SV2C: variants seen among roughly 807,000 people sequenced by gnomAD.
The protein encoded by SV2C is synaptic vesicle glycoprotein 2C.
A neutral mutation model predicts 79.7 loss-of-function variants in SV2C; 49 were observed. That is an observed-to-expected ratio of 0.61 (90% CI 0.49 to 0.78). The LOEUF (loss-of-function observed/expected upper bound fraction) is 0.78, where lower values mean the gene tolerates loss of function less well. Among genes scored for constraint, SV2C ranks in the 30% least tolerant of loss-of-function variants. The pLI, the probability that SV2C is intolerant of heterozygous loss-of-function variation, is 0.00. For missense variants in SV2C, 833 were observed against 912.9 expected (o/e 0.91, Z 1.13); for synonymous variants, 334 against 333.2 (o/e 1.00, Z -0.03).
the SV2C span, among the ~76,000 whole-genome samples, chr5:75,860,634 C>A: frequency 6.6e-6 from 1 of 152,152 alleles, no homozygotes; most frequent in African/African-American, 2.4e-5. Context: ...ATAACCAAAG[C>A]AATCCTAAGC....
the SV2C span, among the ~76,000 whole-genome samples, chr5:76,053,781 C>G: frequency 6.6e-6 from 1 of 152,112 alleles, no homozygotes; most frequent in Admixed American, 6.5e-5. Context: ...TCTGGGTTCA[C>G]ACAGCTTTGT....
the SV2C span, among the ~76,000 whole-genome samples, chr5:75,875,414 A>C: frequency 0.012 from 1,777 of 152,188 alleles, 30 homozygotes; most frequent in African/African-American, 0.04. Flanking sequence ...TTCTTACACT[A>C]TACACAAAAA....
the SV2C span, among the ~76,000 whole-genome samples, chr5:75,901,201 C>T: frequency 6.6e-6 from 1 of 152,116 alleles, no homozygotes; most frequent in East Asian, 1.9e-4. Context: ...CTGTTTTTTC[C>T]CCATCTTTGT....
At chr5:76,210,789 G>A (rs1026023551) in intron 4 of SV2C, among the ~76,000 whole-genome samples, 11 of 152,130 alleles carry the variant, frequency 7.2e-5, no homozygotes, top group South Asian at 2.1e-4. Context: ...CAGTTGTCTC[G>A]TTAGAATAAA....
intron 2 of SV2C, among the ~76,000 whole-genome samples, chr5:76,178,861 T>G (rs1339913340): frequency 6.6e-6 from 1 of 152,202 alleles, no homozygotes; most frequent in East Asian, 1.9e-4. Context: ...TGGTCATAAT[T>G]TCATTTTTGA....
At chr5:76,019,646 T>C in the SV2C span, among the ~76,000 whole-genome samples, 2 of 152,142 alleles carry the variant, frequency 1.3e-5, no homozygotes, top group African/African-American at 2.4e-5. Flanking sequence ...ATTGGGCTAA[T>C]TGGTGAAAAA....
chr5:76,325,342 T>C (rs1309428589), intron 12 of SV2C, 22 bp from the exon 13 acceptor site: 2 of 1,612,828 alleles, frequency 1.2e-6, no homozygotes, highest in Non-Finnish European at 1.7e-6. Context: ...CTCAACCTTG[T>C]TCATGTCTCT....
chr5:76,351,316 C>T (rs576352116), intron 12 of SV2C, among the ~76,000 whole-genome samples: 267 of 152,186 alleles, frequency 1.8e-3, no homozygotes, highest in African/African-American at 5.9e-3. Flanking sequence ...GGCACGGTGA[C>T]GTGCACCTGT....
At chr5:75,934,298 C>CTTTT in the SV2C span, among the ~76,000 whole-genome samples, 39 of 87,534 alleles carry the variant, frequency 4.5e-4, no homozygotes, top group African/African-American at 2.5e-3. Flanking sequence ...TTTTTTCTTT[C>CTTTT]TTTCTTTTTT....
chr5:75,939,354 A>G, the SV2C span, among the ~76,000 whole-genome samples: 2 of 152,008 alleles, frequency 1.3e-5, no homozygotes, highest in East Asian at 1.9e-4. Flanking sequence ...ATGTCCTCCC[A>G]TGGCAGACAG....
chr5:76,022,378 T>C, the SV2C span, among the ~76,000 whole-genome samples: 7 of 152,364 alleles, frequency 4.6e-5, no homozygotes, highest in African/African-American at 1.7e-4. Flanking sequence ...TTCCCCAGAC[T>C]GCCTCATGCA....
At chr5:75,966,211 C>A in the SV2C span, among the ~76,000 whole-genome samples, 3 of 152,128 alleles carry the variant, frequency 2.0e-5, no homozygotes, top group African/African-American at 7.2e-5. Flanking sequence ...TAAGTTCTTT[C>A]TAAGTTAGTT....
chr5:75,957,944 C>T, the SV2C span, among the ~76,000 whole-genome samples: 1 of 151,966 alleles, frequency 6.6e-6, no homozygotes, highest in East Asian at 1.9e-4. Flanking sequence ...CTTGGGAATA[C>T]TGTTCCATCC....
intron 4 of SV2C, among the ~76,000 whole-genome samples, chr5:76,253,351 G>A (rs1746169287): frequency 6.6e-6 from 1 of 152,058 alleles, no homozygotes; most frequent in Admixed American, 6.6e-5. Flanking sequence ...GAGTGCAGTG[G>A]CATGATCTTG....
rs138535060 is a variant in SV2C at position 76,192,870 on chromosome 5, CA to C, written c.581-2048del. 2.1e-3 allele frequency among the ~76,000 whole-genome samples: 321 copies of C among 152,302 alleles called. 14 individuals are homozygous for C. In the East Asian group the frequency reaches 0.059, roughly 28 times the overall value. ...CAAGTAAAGATACAGTTTGATATGA[CA>C]TTTTTTATACTAACTGTGTCAGTCA... On this transcript the variant is annotated intron_variant, in intron 2 of 12. Coordinates refer to ENST00000502798, the MANE Select transcript of SV2C (RefSeq NM_014979.4).
chr5:76,067,304 A>G, the SV2C span, among the ~76,000 whole-genome samples: 120 of 151,998 alleles, frequency 7.9e-4, no homozygotes, highest in African/African-American at 2.6e-3. Context: ...AGCCTATCAA[A>G]CTTTTTCATA....
rs964734718 is a variant in SV2C at position 76,205,785 on chromosome 5, G to A, written c.762-3951G>A. On this transcript the variant is annotated intron_variant, in intron 3 of 12. Coordinates refer to ENST00000502798, the MANE Select transcript of SV2C (RefSeq NM_014979.4). Reference sequence around the variant, plus strand: ...CCACTGCAAAACTTTCCCAACCCTAGCGCTATTAATATTTTGGACTGGATA... The same window carrying A: ...CCACTGCAAAACTTTCCCAACCCTAACGCTATTAATATTTTGGACTGGATA... Among the ~76,000 whole-genome samples, 11 of 152,192 alleles carry A rather than the reference G, an allele frequency of 7.2e-5. No homozygotes were observed. The South Asian group carries it at 1.7e-3, about 23-fold the overall frequency.
intron 12 of SV2C, among the ~76,000 whole-genome samples, chr5:76,348,103 G>A (rs573165773): frequency 1.3e-5 from 2 of 152,152 alleles, no homozygotes; most frequent in African/African-American, 4.8e-5. Context: ...CCGTACCCCT[G>A]GCAACCACTG....
intron 2 of SV2C, among the ~76,000 whole-genome samples, chr5:76,148,304 A>G (rs1749499853): frequency 6.6e-6 from 1 of 152,194 alleles, no homozygotes; most frequent in Admixed American, 6.5e-5. Context: ...GGCTTAAATT[A>G]TTTTTATGTG....
Sources: allele counts gnomAD v4.1 joint callset (sites outside exome capture counted in the v4.1 genomes callset), GRCh38; gene constraint gnomAD v4.1.1; transcripts MANE v1.5; gene names NCBI Gene and HGNC (gene_info 2026-07-23, HGNC 2026-07-21).